Variants in FNDC3A observed in about 807,000 individuals in gnomAD.
The protein encoded by FNDC3A is fibronectin type-III domain-containing protein 3A.
FNDC3A carries 32 observed loss-of-function variants against 148.9 expected under a neutral mutation model. The ratio of observed to expected loss-of-function variants is 0.21; its 90% CI spans 0.16 to 0.29. FNDC3A has a LOEUF of 0.29. FNDC3A is among the 10% of genes least tolerant of loss of function. The pLI, the probability that FNDC3A is intolerant of heterozygous loss-of-function variation, is 1.00. For missense variants in FNDC3A, 1,191 were observed against 1,452.8 expected, an observed-to-expected ratio of 0.82 and a Z score of 2.93; for synonymous variants, 472 against 473.6, an observed-to-expected ratio of 1.00 and a Z score of 0.04.
At chr13:49,163,258 C>T (rs1430379298) in intron 8 of FNDC3A, among the ~76,000 whole-genome samples, 1 of 152,224 alleles carries the variant, frequency 6.6e-6, no homozygotes, top group Non-Finnish European at 1.5e-5. Flanking sequence ...CAGAGGCAGG[C>T]AGGCCTCCTT....
rs1249528217 is a variant in FNDC3A at position 49,087,347 on chromosome 13, G to A, written c.175+11983G>A. Among the ~76,000 whole-genome samples, 61 of 152,012 alleles carry A rather than the reference G, an allele frequency of 4.0e-4. 2 individuals are homozygous for A. Among genetic ancestry groups the A allele is most frequent in the African/African-American group, 7.2e-5 (3 of 41,420 alleles). On this transcript the variant is annotated intron_variant, in intron 3 of 25. Coordinates refer to ENST00000492622, the MANE Select transcript of FNDC3A (RefSeq NM_001079673.2). ...TTTGCATTCTGGCACTTTTGATATC[G>A]TTTAGTGACTAAAATGGACATAAAA...
chr13:49,183,935 C>T (rs1365858310), intron 14 of FNDC3A, among the ~76,000 whole-genome samples: 1 of 152,168 alleles, frequency 6.6e-6, no homozygotes, highest in South Asian at 2.1e-4. Context: ...AAGCATTGTT[C>T]TAAACACTAA....
intron 2 of FNDC3A, among the ~76,000 whole-genome samples, chr13:49,045,222 C>T (rs1249235008): frequency 1.3e-5 from 2 of 151,810 alleles, no homozygotes; most frequent in African/African-American, 2.4e-5. Flanking sequence ...GGTACCATCT[C>T]GACTAACTGC....
chr13:49,022,601 A>G (rs1873407339), intron 2 of FNDC3A, among the ~76,000 whole-genome samples: 2 of 152,148 alleles, frequency 1.3e-5, no homozygotes, highest in South Asian at 4.1e-4. Flanking sequence ...TAAAGCTTAT[A>G]CTTTTGTGAC....
chr13:49,015,606 A>G (rs1402810676), intron 2 of FNDC3A, among the ~76,000 whole-genome samples: 3 of 152,106 alleles, frequency 2.0e-5, no homozygotes, highest in East Asian at 1.9e-4. Context: ...TCTCCTGCCT[A>G]ATTGCCCTGG....
chr13:49,018,675 G>A (rs1593477960), intron 2 of FNDC3A, among the ~76,000 whole-genome samples: 1 of 152,240 alleles, frequency 6.6e-6, no homozygotes, highest in African/African-American at 2.4e-5. Flanking sequence ...GAGGAGAGGT[G>A]CTCTGCTTTT....
chr13:49,020,393 A>G (rs1432276211), intron 2 of FNDC3A, among the ~76,000 whole-genome samples: 1 of 152,260 alleles, frequency 6.6e-6, no homozygotes, highest in African/African-American at 2.4e-5. Flanking sequence ...AGTGGATAGC[A>G]AGACCATTTA....
intron 3 of FNDC3A, among the ~76,000 whole-genome samples, chr13:49,084,830 G>A (rs902376247): frequency 1.3e-5 from 2 of 152,006 alleles, no homozygotes; most frequent in Admixed American, 1.3e-4. Context: ...TTTTCTCCTC[G>A]TTGTTGCTGG....
chr13:49,038,461 A>G (rs1400944727), intron 2 of FNDC3A, among the ~76,000 whole-genome samples: 2 of 152,162 alleles, frequency 1.3e-5, no homozygotes, highest in Admixed American at 1.3e-4. Context: ...ATACAGAGGG[A>G]AGACACGGGG....
intron 1 of FNDC3A, among the ~76,000 whole-genome samples, chr13:48,981,431 T>C (rs1951692535): frequency 6.6e-6 from 1 of 151,710 alleles, no homozygotes; most frequent in African/African-American, 2.4e-5. Flanking sequence ...TTAAAATACA[T>C]ACCATAAAAG....
chr13:49,187,501 C>CT lies in FNDC3A; in HGVS notation c.1825+313dup, dbSNP rs1406606044. On this transcript the variant is annotated intron_variant, in intron 16 of 25. Coordinates refer to ENST00000492622, the MANE Select transcript of FNDC3A (RefSeq NM_001079673.2). ...TCCTTATGTTTTAAGTAGTTGTTGT[C>CT]TTACTACAAGAAAGGGTGTAGCAAA... The CT allele has an allele frequency of 5.1e-6, 8 of 1,578,528 alleles. No individual in the cohort carries two copies. In the Admixed American group the frequency reaches 6.7e-5, roughly 13 times the overall value.
chr13:48,986,733 G>A (rs1406639834), intron 1 of FNDC3A, among the ~76,000 whole-genome samples: 1 of 152,008 alleles, frequency 6.6e-6, no homozygotes, highest in African/African-American at 2.4e-5. Flanking sequence ...AGGAAGATGA[G>A]TATGATTAGA....
intron 3 of FNDC3A, among the ~76,000 whole-genome samples, chr13:49,080,301 G>C (rs749980524): frequency 6.6e-5 from 10 of 152,044 alleles, no homozygotes; most frequent in African/African-American, 1.7e-4. Context: ...ATATCTAAAA[G>C]TGTAGTCTTC....
chr13:49,010,931 T>C (rs1011500723), intron 2 of FNDC3A, among the ~76,000 whole-genome samples: 8 of 152,244 alleles, frequency 5.3e-5, no homozygotes, highest in African/African-American at 1.2e-4. Flanking sequence ...GCTGGTCTTA[T>C]TCAATATTGT....
At chr13:49,145,060 C>G (rs531908301) in intron 7 of FNDC3A, among the ~76,000 whole-genome samples, 1 of 152,098 alleles carries the variant, frequency 6.6e-6, no homozygotes, top group East Asian at 1.9e-4. Context: ...AATGAACATT[C>G]TTAAGTGTGT....
In FNDC3A at chr13:49,182,650, T is replaced by C. The variant is rs532122381; in HGVS notation, c.1618-3314T>C. On this transcript the variant is annotated intron_variant, in intron 14 of 25. Transcript: ENST00000492622. ...ATACTTTCACTTTCAGCTTATTCCT[T>C]GTTTTTTGAGGTCTTTTTATAGGTA... Among the ~76,000 whole-genome samples, 8 of 152,332 alleles carry C rather than the reference T, an allele frequency of 5.3e-5. No homozygotes were observed. In the South Asian group the frequency reaches 1.7e-3, roughly 32 times the overall value.
intron 2 of FNDC3A, among the ~76,000 whole-genome samples, chr13:49,034,328 A>C (rs1593498280): frequency 6.6e-6 from 1 of 152,042 alleles, no homozygotes; most frequent in Non-Finnish European, 1.5e-5. Flanking sequence ...ATTCACCTTT[A>C]AAGAGTGTTC....
chr13:49,200,681 T>A (rs969091523), intron 23 of FNDC3A, among the ~76,000 whole-genome samples: 4 of 152,080 alleles, frequency 2.6e-5, no homozygotes. Flanking sequence ...AGCTAGCATC[T>A]AGAGAATTGT....
intron 1 of FNDC3A, among the ~76,000 whole-genome samples, chr13:48,998,349 C>T (rs1453386010): frequency 6.6e-6 from 1 of 152,148 alleles, no homozygotes; most frequent in Non-Finnish European, 1.5e-5. Flanking sequence ...ACTTTCTGAG[C>T]TTTGGCATGA....
Sources: allele counts gnomAD v4.1 joint callset (sites outside exome capture counted in the v4.1 genomes callset), GRCh38; gene constraint gnomAD v4.1.1; transcripts MANE v1.5; gene names NCBI Gene and HGNC (gene_info 2026-07-23, HGNC 2026-07-21).